The following SLC35F2 variants were observed in gnomAD, a reference collection of about 807,000 sequenced individuals.
SLC35F2 encodes the protein solute carrier family 35 member F2.
A neutral mutation model predicts 38.1 loss-of-function variants in SLC35F2; 25 were observed. The observed-to-expected ratio is 0.66, with a 90% CI of 0.48 to 0.92. The LOEUF is 0.92. Among genes scored for constraint, SLC35F2 ranks in the 40% least tolerant of loss-of-function variants. The probability of loss-of-function intolerance (pLI) is 0.00; values close to 1 mark genes in which losing one functional copy is unlikely to be tolerated. For synonymous variants in SLC35F2, 173 were observed against 181.7 expected (o/e 0.95, Z 0.38); for missense variants, 409 against 452.9 (o/e 0.90, Z 0.88).
At chr11:107,792,985 C>T (rs1859157184) in intron 7 of SLC35F2, 185 bp from the exon 8 acceptor site, 7 of 885,552 alleles carry the variant, frequency 7.9e-6, no homozygotes, top group South Asian at 5.2e-5. Context: ...GGCACAATCT[C>T]GGCTCACTGC....
chr11:107,855,063 T>C (rs1232498181), intron 1 of SLC35F2, among the ~76,000 whole-genome samples: 1 of 152,192 alleles, frequency 6.6e-6, no homozygotes, highest in Non-Finnish European at 1.5e-5. Flanking sequence ...CACTCTTTTC[T>C]GATTGCTGGG....
At chr11:107,802,819 G>A (rs531963617) in intron 7 of SLC35F2, among the ~76,000 whole-genome samples, 182 bp downstream of exon 7, 1 of 152,168 alleles carries the variant, frequency 6.6e-6, no homozygotes, top group African/African-American at 2.4e-5. Context: ...AAAAACCCTA[G>A]AAGGACAATT....
chr11:107,846,517 T>TG (rs1256771561), intron 1 of SLC35F2, among the ~76,000 whole-genome samples: 2 of 152,196 alleles, frequency 1.3e-5, no homozygotes, highest in African/African-American at 2.4e-5. Flanking sequence ...TGGCCTACCC[T>TG]AAGACAGTTG....
At chr11:107,802,482 GAA>G (rs550474569) in intron 7 of SLC35F2, among the ~76,000 whole-genome samples, 146 of 152,262 alleles carry the variant, frequency 9.6e-4, no homozygotes, top group African/African-American at 3.3e-3. Context: ...GATGTGGATA[GAA>G]AAAGTCTGAA....
intron 1 of SLC35F2, chr11:107,821,671 C>T: frequency 2.1e-6 from 2 of 955,356 alleles, no homozygotes; most frequent in Non-Finnish European, 1.2e-6. Context: ...AGCAAAGCTG[C>T]CAGAAGAAAC....
intron 1 of SLC35F2, among the ~76,000 whole-genome samples, chr11:107,846,502 T>C (rs1210885336): frequency 6.6e-6 from 1 of 152,212 alleles, no homozygotes; most frequent in Non-Finnish European, 1.5e-5. Flanking sequence ...AGTAACTAAA[T>C]GGCTTGGCCT....
intron 1 of SLC35F2, among the ~76,000 whole-genome samples, chr11:107,825,819 A>T (rs1379223575): frequency 6.6e-6 from 1 of 152,146 alleles, no homozygotes; most frequent in Non-Finnish European, 1.5e-5. Context: ...AATGCAATCC[A>T]TGGGCTGTTC....
At chr11:107,853,699 G>A (rs1210524120) in intron 1 of SLC35F2, among the ~76,000 whole-genome samples, 14 of 119,694 alleles carry the variant, frequency 1.2e-4, no homozygotes, top group African/African-American at 2.2e-4. Context: ...CAGCCTGGGC[G>A]ACAGAGCGAG....
At chr11:107,826,336 G>C (rs1283088753) in intron 1 of SLC35F2, among the ~76,000 whole-genome samples, 1 of 150,384 alleles carries the variant, frequency 6.6e-6, no homozygotes, top group African/African-American at 2.5e-5. Context: ...GAGTGCAATA[G>C]CTCGATCTGG....
rs1169893845 is a variant in SLC35F2, at chr11:107,792,174, A to C, written c.*441T>G. The C allele has an allele frequency of 2.6e-5, 4 of 152,528 alleles. No homozygotes were observed. Among genetic ancestry groups the C allele is most frequent in the South Asian group, 4.2e-4 (2 of 4,794 alleles). 9.4% of individuals were successfully genotyped at this position (152,528 alleles called of 1,614,324 possible). A position where few individuals can be genotyped will look rare whatever the true frequency, so the allele number is the denominator to read the frequency against. On this transcript the variant is annotated 3_prime_UTR_variant, in exon 8 of 8. Coordinates refer to ENST00000525815, the MANE Select transcript of SLC35F2 (RefSeq NM_017515.5). ...TAACTGCCTCAGCAAAAAAAAAAAA[A>C]AAAAAAAACCTTGAAGCATCTGACA...
At chr11:107,793,870 T>A (rs1234705700) in intron 7 of SLC35F2, among the ~76,000 whole-genome samples, 1 of 152,080 alleles carries the variant, frequency 6.6e-6, no homozygotes, top group Non-Finnish European at 1.5e-5. Context: ...GAGTTTTTGG[T>A]GACCTTCCCC....
At chr11:107,795,218 G>A (rs1356283727) in intron 7 of SLC35F2, among the ~76,000 whole-genome samples, 3 of 151,932 alleles carry the variant, frequency 2.0e-5, no homozygotes, top group Non-Finnish European at 4.4e-5. Context: ...AACCACAAAA[G>A]GGCCCAAATA....
chr11:107,792,623 C>A lies in SLC35F2; in HGVS notation c.1117G>T (p.Val373Phe). ...TGCGCCATCTTCTCCAGCTACAAGA[C>A]AGCAGAGTGGGTCTCCTGGAGGTTC... The part of the protein sequence containing the change: ...EENLQETHSA[V>F]L Residue 373 changes from valine (V) to phenylalanine (F), a missense_variant, in exon 8 of 8, where the codon GTC becomes TTC. Transcript: ENST00000525815. 6.2e-7 allele frequency: 1 copy of A among 1,609,832 alleles called. No homozygotes were observed. Among genetic ancestry groups the A allele is most frequent in the Non-Finnish European group, 8.5e-7 (1 of 1,178,424 alleles).
intron 6 of SLC35F2, 185 bp from the exon 7 acceptor site, chr11:107,803,340 G>GTTTATA: frequency 1.0e-6 from 1 of 985,002 alleles, no homozygotes; most frequent in Non-Finnish European, 1.2e-6. Flanking sequence ...TAAATAGCAA[G>GTTTATA]TTGTGATGTA....
intron 1 of SLC35F2, among the ~76,000 whole-genome samples, chr11:107,850,627 G>T (rs1860165138): frequency 1.3e-5 from 2 of 152,014 alleles, no homozygotes. Flanking sequence ...TTCGAGACCA[G>T]CCTGGCCAAC....
chr11:107,850,574 C>A (rs1306630982), intron 1 of SLC35F2, among the ~76,000 whole-genome samples: 1 of 152,076 alleles, frequency 6.6e-6, no homozygotes, highest in Non-Finnish European at 1.5e-5. Context: ...ATAAGCCCAG[C>A]ACATTGGGAG....
At chr11:107,805,886 T>C in intron 4 of SLC35F2, among the ~76,000 whole-genome samples, 1 of 152,206 alleles carries the variant, frequency 6.6e-6, no homozygotes. Context: ...CCTCAAGTGA[T>C]CCGCTCACCT....
chr11:107,836,265 G>A (rs564569), intron 1 of SLC35F2, among the ~76,000 whole-genome samples: 80,771 of 151,884 alleles, frequency 0.53, 22,576 homozygotes, highest in African/African-American at 0.73. Flanking sequence ...ATGAGCTCTA[G>A]AAAGCTGTAG....
chr11:107,815,313 G>A (rs149274042), intron 2 of SLC35F2, among the ~76,000 whole-genome samples: 381 of 151,650 alleles, frequency 2.5e-3, no homozygotes, highest in African/African-American at 9.0e-3. Flanking sequence ...ACTTTGGGAG[G>A]CTGAGGTGGG....
Sources: gnomAD v4.1 joint callset for allele counts (sites outside exome capture counted in the v4.1 genomes callset) on GRCh38, gnomAD v4.1.1 for gene constraint, MANE v1.5 for transcripts, NCBI Gene and HGNC (gene_info 2026-07-23, HGNC 2026-07-21) for gene names.